KIAA0319: variants seen among roughly 807,000 people sequenced by gnomAD.
KIAA0319 encodes KIAA0319.
In KIAA0319, 83 loss-of-function variants were observed where a neutral mutation model predicts 108.4. The observed-to-expected ratio is 0.77, with a 90% confidence interval of 0.64 to 0.92. The LOEUF is 0.92. KIAA0319 is among the 40% of genes least tolerant of loss of function. The pLI is 0.00. For missense variants in KIAA0319, 1,195 were observed against 1,322.4 expected, an observed-to-expected ratio of 0.90 and a Z score of 1.49; for synonymous variants, 484 against 510.4, an observed-to-expected ratio of 0.95 and a Z score of 0.70.
At chr6:24,568,582 T>C (rs554156883) in intron 13 of KIAA0319, among the ~76,000 whole-genome samples, 199 bp downstream of exon 13, 10 of 152,304 alleles carry the variant, frequency 6.6e-5, no homozygotes, top group African/African-American at 2.4e-4. Context: ...CAAAAGGAAA[T>C]GTCTGCTTGC....
chr6:24,571,060 C>G (rs1764654054), intron 11 of KIAA0319, among the ~76,000 whole-genome samples: 2 of 151,618 alleles, frequency 1.3e-5, no homozygotes, highest in Non-Finnish European at 2.9e-5. Flanking sequence ...GGCATGGTGG[C>G]ACACATCTGT....
chr6:24,632,639 CG>C (rs1775726930), intron 1 of KIAA0319, among the ~76,000 whole-genome samples: 1 of 152,136 alleles, frequency 6.6e-6, no homozygotes, highest in East Asian at 1.9e-4. Context: ...ACCTACAAAA[CG>C]GTCTCAAACT....
chr6:24,566,719 C>T lies in KIAA0319; in HGVS notation c.2170G>A (p.Gly724Ser). 1 of 1,612,912 alleles carries T rather than the reference C, an allele frequency of 6.2e-7. No individual in the cohort carries two copies. ...ENNSPPRARA[G>S]GRHVLVLPNN... ...GGAAGCACAAGAACATGTCTGCCAC[C>T]AGCCCGGGCTCTGGGAGGACTATTA... The change falls in exon 14 of 21, where the codon GGT (glycine) becomes AGT (serine). Residue 724 changes from glycine (G) to serine (S), a missense_variant. Physicochemically the swap from Gly to Ser is moderately conservative, Grantham distance 56 (BLOSUM62 0). Transcript: ENST00000378214.
At chr6:24,626,262 T>G (rs961321967) in intron 1 of KIAA0319, among the ~76,000 whole-genome samples, 2 of 152,246 alleles carry the variant, frequency 1.3e-5, no homozygotes, top group African/African-American at 2.4e-5. Context: ...CCGGGCTTGG[T>G]GGCTTGTGCC....
In KIAA0319 at chr6:24,544,594, C is replaced by G. The variant is rs1382893350; in HGVS notation, c.*2571G>C. The G allele has an allele frequency of 6.6e-6, 1 of 152,184 alleles. No homozygotes were observed. Among genetic ancestry groups the G allele is most frequent in the Non-Finnish European group, 1.5e-5 (1 of 68,048 alleles). The allele number at this position is 152,184 out of a possible 1,614,324, so 9.4% of individuals were successfully genotyped here. On this transcript the variant is annotated 3_prime_UTR_variant, in exon 21 of 21. Coordinates refer to ENST00000378214, the MANE Select transcript of KIAA0319 (RefSeq NM_014809.4). The stretch of plus-strand genomic sequence containing the variant: ...TTTTTCAGATAGTTCCTTAGTCATA[C>G]ACATGCTTAGCCTTGTAATGCCATG...
At chr6:24,547,380 C>G (rs1464754655) in intron 20 of KIAA0319, 37 bp from the exon 21 acceptor site, 2 of 1,571,780 alleles carry the variant, frequency 1.3e-6, no homozygotes, top group South Asian at 2.2e-5. Context: ...GGAGGAACGC[C>G]GTGATTCACT....
At chr6:24,598,956 G>A (rs922515454) in intron 2 of KIAA0319, 9 of 617,922 alleles carry the variant, frequency 1.5e-5, no homozygotes, top group Non-Finnish European at 1.8e-5. Context: ...TGTGGATGAA[G>A]CTTACATGAA....
At chr6:24,550,726 G>C (rs1431781345) in intron 20 of KIAA0319, among the ~76,000 whole-genome samples, 1 of 152,128 alleles carries the variant, frequency 6.6e-6, no homozygotes, top group Non-Finnish European at 1.5e-5. Context: ...TCAGAGCTGA[G>C]CTGTGGGAGT....
intron 10 of KIAA0319, among the ~76,000 whole-genome samples, chr6:24,574,004 A>G (rs1765113732): frequency 1.3e-5 from 2 of 152,200 alleles, no homozygotes; most frequent in South Asian, 2.1e-4. Flanking sequence ...AATCCCAGCT[A>G]CTCAGGAGGC....
chr6:24,610,812 T>A (rs1294942167), intron 1 of KIAA0319, among the ~76,000 whole-genome samples: 2 of 152,058 alleles, frequency 1.3e-5, no homozygotes, highest in Non-Finnish European at 2.9e-5. Flanking sequence ...ATGTTCATAA[T>A]AGCCAAAAAG....
chr6:24,606,377 T>A (rs1771411776), intron 1 of KIAA0319, among the ~76,000 whole-genome samples: 1 of 152,140 alleles, frequency 6.6e-6, no homozygotes, highest in Non-Finnish European at 1.5e-5. Context: ...CTTCTTTGGG[T>A]GACGGTGATG....
At chr6:24,622,308 A>G (rs1035744750) in intron 1 of KIAA0319, among the ~76,000 whole-genome samples, 14 of 115,504 alleles carry the variant, frequency 1.2e-4, no homozygotes, top group Admixed American at 2.0e-4. Flanking sequence ...ACTGCTAGAC[A>G]TTTGAGAAAT....
At chr6:24,543,205 A>G (rs1022328196), downstream of KIAA0319, among the ~76,000 whole-genome samples, 3 of 152,198 alleles carry the variant, frequency 2.0e-5, no homozygotes, top group Non-Finnish European at 4.4e-5. Flanking sequence ...GTTTGAGGGG[A>G]AAGCTCCATA....
rs138042410 is a variant in KIAA0319 at position 24,578,715 on chromosome 6, A to T, written c.1373-473T>A. Among the ~76,000 whole-genome samples, 244 of 152,330 alleles carry T rather than the reference A, an allele frequency of 1.6e-3. 1 individual carries two copies. The highest frequency in any genetic ancestry group is 5.6e-3 in the African/African-American group (232 of 41,580). On this transcript the variant is annotated intron_variant, in intron 8 of 20. Coordinates refer to ENST00000378214, the MANE Select transcript of KIAA0319 (RefSeq NM_014809.4). ...GAGAAAGCTCACAGCCTTACATGAA[A>T]ATCTTCCATTTCTACTTTAAAAGAG...
chr6:24,610,878 T>G (rs1274796250), intron 1 of KIAA0319, among the ~76,000 whole-genome samples: 2 of 151,996 alleles, frequency 1.3e-5, no homozygotes, highest in Admixed American at 6.6e-5. Flanking sequence ...ATGTGGTATA[T>G]CCATGTAAAG....
At chr6:24,564,420 G>C in intron 14 of KIAA0319, 80 bp from the exon 15 acceptor site, 3 of 1,568,378 alleles carry the variant, frequency 1.9e-6, no homozygotes, top group Non-Finnish European at 2.6e-6. Context: ...CTAAACCTCA[G>C]TGTCCCATCT....
At chr6:24,592,627 G>A (rs1435623002) in intron 3 of KIAA0319, among the ~76,000 whole-genome samples, 1 of 152,102 alleles carries the variant, frequency 6.6e-6, no homozygotes, top group Non-Finnish European at 1.5e-5. Flanking sequence ...TTCAGAGATT[G>A]TCTACAAATC....
At chr6:24,640,021 T>C (rs1480836514) in intron 1 of KIAA0319, among the ~76,000 whole-genome samples, 2 of 134,450 alleles carry the variant, frequency 1.5e-5, no homozygotes, top group Non-Finnish European at 3.1e-5. Context: ...TAAGGTCATA[T>C]ACTTTTAGAG....
chr6:24,570,512 C>T (rs1240996989), intron 11 of KIAA0319, among the ~76,000 whole-genome samples: 3 of 151,334 alleles, frequency 2.0e-5, no homozygotes, highest in Non-Finnish European at 4.4e-5. Context: ...GGCATGAACC[C>T]GGGAGGCGGA....
Sources: gnomAD v4.1 joint callset for allele counts (sites outside exome capture counted in the v4.1 genomes callset) on GRCh38, gnomAD v4.1.1 for gene constraint, MANE v1.5 for transcripts, NCBI Gene and HGNC (gene_info 2026-07-23, HGNC 2026-07-21) for gene names.